DACH2: variants seen among roughly 807,000 people sequenced by gnomAD.
The protein encoded by DACH2 is dachshund family transcription factor 2.
In DACH2, 17 loss-of-function variants were observed where a neutral mutation model predicts 35.8. The ratio of observed to expected loss-of-function variants is 0.48; its 90% confidence interval spans 0.33 to 0.71. The LOEUF is 0.71. Among genes scored for constraint, DACH2 ranks in the 30% least tolerant of loss-of-function variants. The probability of loss-of-function intolerance (pLI) is 0.02; values close to 1 mark genes in which losing one functional copy is unlikely to be tolerated. For missense variants in DACH2, 469 were observed against 472.7 expected (o/e 0.99, Z 0.07); for synonymous variants, 195 against 177.3 (o/e 1.10, Z -0.79).
intron 1 of DACH2, among the ~76,000 whole-genome samples, chrX:86,163,357 T>C (rs1169485885): frequency 9.1e-6 from 1 of 109,293 alleles, no homozygotes; most frequent in Non-Finnish European, 1.9e-5. Context: ...GTTCCATGCA[T>C]GTTGTTGCAA....
At chrX:86,491,970 A>G (rs2038100562) in intron 2 of DACH2, among the ~76,000 whole-genome samples, 2 of 111,551 alleles carry the variant, frequency 1.8e-5, no homozygotes, top group Admixed American at 1.9e-4. Flanking sequence ...AACATACCCT[A>G]TCTATATTTT....
intron 1 of DACH2, among the ~76,000 whole-genome samples, chrX:86,371,792 C>T (rs1232563504): frequency 5.4e-5 from 6 of 110,936 alleles, no homozygotes; most frequent in Admixed American, 4.8e-4. Flanking sequence ...TTGGTCATAT[C>T]TTCAAAGATA....
At chrX:86,545,992 A>C (rs2038950308) in intron 3 of DACH2, among the ~76,000 whole-genome samples, 1 of 112,162 alleles carries the variant, frequency 8.9e-6, no homozygotes, top group South Asian at 3.7e-4. Context: ...CTGTTGACCT[A>C]ATTATTCCTA....
At chrX:86,197,550 T>G (rs1344824386) in intron 1 of DACH2, among the ~76,000 whole-genome samples, 1 of 108,859 alleles carries the variant, frequency 9.2e-6, no homozygotes, top group Non-Finnish European at 1.9e-5. Context: ...AGGTTCAAAA[T>G]AAAGGGATGG....
At chrX:86,713,954 C>T (rs5968976) in intron 5 of DACH2, among the ~76,000 whole-genome samples, 1 of 110,609 alleles carries the variant, frequency 9.0e-6, no homozygotes, top group East Asian at 2.8e-4. Flanking sequence ...CTAGAAAATA[C>T]GTTGATATTT....
chrX:86,300,155 C>A (rs750639029), intron 1 of DACH2, among the ~76,000 whole-genome samples: 1 of 110,684 alleles, frequency 9.0e-6, no homozygotes, highest in African/African-American at 3.3e-5. Context: ...TGTTTGTACC[C>A]ATTAGCCGTT....
chrX:86,761,682 T>A (rs1338328016), intron 7 of DACH2, among the ~76,000 whole-genome samples: 2 of 111,647 alleles, frequency 1.8e-5, no homozygotes, highest in Admixed American at 1.9e-4. Context: ...ATAAAGAAAA[T>A]CCGGCATATA....
At chrX:86,549,276 G>A (rs2039015248) in intron 3 of DACH2, among the ~76,000 whole-genome samples, 1 of 111,148 alleles carries the variant, frequency 9.0e-6, no homozygotes, top group African/African-American at 3.3e-5. Context: ...CTTGGAACAG[G>A]TATCCAAATA....
intron 1 of DACH2, among the ~76,000 whole-genome samples, chrX:86,261,826 T>G (rs1028911606): frequency 9.0e-6 from 1 of 111,355 alleles, no homozygotes; most frequent in African/African-American, 3.3e-5. Context: ...AAGCTGTCTT[T>G]TCAGCCAATG....
intron 1 of DACH2, among the ~76,000 whole-genome samples, chrX:86,201,030 C>T (rs1014346643): frequency 4.5e-5 from 5 of 111,415 alleles, no homozygotes; most frequent in African/African-American, 1.6e-4. Context: ...GACAGGGCAT[C>T]AACCTAAATG....
intron 2 of DACH2, among the ~76,000 whole-genome samples, chrX:86,410,460 T>C (rs1043427790): frequency 5.4e-5 from 6 of 111,927 alleles, no homozygotes; most frequent in African/African-American, 1.9e-4. Flanking sequence ...TGAATTTTAA[T>C]TGGAAACAAA....
At chrX:86,211,094 T>C (rs1423703338) in intron 1 of DACH2, among the ~76,000 whole-genome samples, 1 of 111,587 alleles carries the variant, frequency 9.0e-6, no homozygotes, top group African/African-American at 3.2e-5. Flanking sequence ...TTTGTTCTGT[T>C]ATTGATAGGT....
At chrX:86,651,282 A>C (rs1025763744) in intron 4 of DACH2, 115 bp downstream of exon 4, 29 of 747,306 alleles carry the variant, frequency 3.9e-5, no homozygotes, top group Middle Eastern at 3.6e-4. Flanking sequence ...TTATAAAGAT[A>C]CTCAAGAGGG....
intron 2 of DACH2, among the ~76,000 whole-genome samples, chrX:86,431,586 G>C (rs756301230): frequency 9.0e-6 from 1 of 111,428 alleles, no homozygotes; most frequent in South Asian, 3.7e-4. Flanking sequence ...GCATGTGTCC[G>C]AATGGCATAC....
At chrX:86,818,024 G>T in intron 11 of DACH2, among the ~76,000 whole-genome samples, 1 of 112,062 alleles carries the variant, frequency 8.9e-6, no homozygotes, top group African/African-American at 3.2e-5. Flanking sequence ...AATTAAAAAT[G>T]ACACTGTCTA....
intron 5 of DACH2, among the ~76,000 whole-genome samples, chrX:86,699,624 G>T (rs1381780771): frequency 9.0e-6 from 1 of 111,517 alleles, no homozygotes; most frequent in Non-Finnish European, 1.9e-5. Flanking sequence ...AATTCAATAT[G>T]CGATTTGGAT....
At chrX:86,224,953 A>T (rs911798514) in intron 1 of DACH2, among the ~76,000 whole-genome samples, 1 of 111,361 alleles carries the variant, frequency 9.0e-6, no homozygotes, top group African/African-American at 3.3e-5. Context: ...CTTCTAAATG[A>T]TTGGTTAGAG....
chrX:86,623,793 T>TA (rs1373492821), intron 3 of DACH2, among the ~76,000 whole-genome samples: 1 of 98,170 alleles, frequency 1.0e-5, no homozygotes, highest in Non-Finnish European at 2.1e-5. Flanking sequence ...CTCACGCCTG[T>TA]AATCCCAGCA....
chrX:86,191,868 G>A (rs1446297346), intron 1 of DACH2, among the ~76,000 whole-genome samples: 1 of 111,355 alleles, frequency 9.0e-6, no homozygotes, highest in African/African-American at 3.3e-5. Context: ...TTGAACCCAA[G>A]AGGCGGAGGT....
Sources: allele counts gnomAD v4.1 joint callset (sites outside exome capture counted in the v4.1 genomes callset), GRCh38; gene constraint gnomAD v4.1.1; transcripts MANE v1.5; gene names NCBI Gene and HGNC (gene_info 2026-07-23, HGNC 2026-07-21).